Variants in BAHCC1 observed in about 807,000 individuals in gnomAD.
BAHCC1 encodes BAH and coiled-coil domain-containing protein 1.
BAHCC1 carries 43 observed loss-of-function variants against 88.2 expected under a neutral mutation model. That is an observed-to-expected ratio of 0.49 (90% confidence interval 0.38 to 0.63). BAHCC1 has a LOEUF of 0.63. Ranked by LOEUF, BAHCC1 falls within the 20% of genes least tolerant of loss-of-function variation. BAHCC1 has a pLI of 0.00. For missense variants in BAHCC1, 3,023 were observed against 1,654.8 expected (o/e 1.83, Z -14.34); for synonymous variants, 1,510 against 745.5 (o/e 2.03, Z -16.71).
chr17:81,448,427 G>A (rs1317006623), intron 11 of BAHCC1, among the ~76,000 whole-genome samples: 2 of 152,136 alleles, frequency 1.3e-5, no homozygotes, highest in East Asian at 1.9e-4. Context: ...TGGGACACCC[G>A]AGGGCCAGGT....
intron 2 of BAHCC1, among the ~76,000 whole-genome samples, chr17:81,409,750 C>T (rs1000786638): frequency 5.3e-5 from 8 of 152,180 alleles, no homozygotes; most frequent in Non-Finnish European, 8.8e-5. Flanking sequence ...TCACCCTCTG[C>T]GACGTCTCCA....
rs1272426278 is a variant in BAHCC1 at position 81,426,885 on chromosome 17, G to A, written c.264G>A (p.Thr88=). Residue 88 remains threonine, a synonymous_variant, in exon 3 of 28, where the codon ACG becomes ACA. Coordinates refer to ENST00000675386, the MANE Select transcript of BAHCC1 (RefSeq NM_001377448.1). ...GCAGCCTGGGCTCGGCAGCCTCCACGCACCCCAGCGGCCCCAGCTCCTCCC... is the reference window on the plus strand; with the variant it reads ...GCAGCCTGGGCTCGGCAGCCTCCACACACCCCAGCGGCCCCAGCTCCTCCC... ...LTSSLGSAAS[T]HPSGPSSSPP... 19 of 399,122 alleles carry A rather than the reference G, an allele frequency of 4.8e-5. No individual in the cohort carries two copies. The highest frequency in any genetic ancestry group is 3.5e-4 in the African/African-American group (17 of 48,692). The allele number at this position is 399,122 out of a possible 1,614,324, so 24.7% of individuals were successfully genotyped here.
intron 2 of BAHCC1, chr17:81,406,819 G>T: frequency 2.2e-6 from 1 of 452,864 alleles, no homozygotes; most frequent in Non-Finnish European, 4.4e-6. Context: ...GTCGGCGCGG[G>T]GTTTGCAGCG....
chr17:81,415,587 G>A (rs1555648512), intron 2 of BAHCC1: 2 of 512,234 alleles, frequency 3.9e-6, no homozygotes, highest in South Asian at 2.8e-5. Flanking sequence ...CCCCTTCCTG[G>A]GATACTACAG....
In BAHCC1 at chr17:81,458,612, C is replaced by T. The variant is rs1555658170; in HGVS notation, c.5344-9C>T. 2 of 714,904 alleles carry T rather than the reference C, an allele frequency of 2.8e-6. No individual in the cohort carries two copies. Among genetic ancestry groups the T allele is most frequent in the East Asian group, 2.7e-5 (1 of 37,278 alleles). 44.3% of individuals were successfully genotyped at this position (714,904 alleles called of 1,614,324 possible). Reference sequence around the variant, plus strand: ...TGACTCAGCCCCTTCTCTGCCTGCCCACGCGCAGCGGAAGAACGGGGCCCT... The same window carrying T: ...TGACTCAGCCCCTTCTCTGCCTGCCTACGCGCAGCGGAAGAACGGGGCCCT... On this transcript the variant is annotated splice_polypyrimidine_tract_variant and intron_variant, in intron 18 of 27. Transcript: ENST00000675386.
At chr17:81,413,074 T>C (rs1555648068) in intron 2 of BAHCC1, 2 of 422,118 alleles carry the variant, frequency 4.7e-6, no homozygotes, top group East Asian at 1.8e-4. Context: ...CAAGCGCCAA[T>C]TACATAAAGG....
chr17:81,419,789 G>GTTTT (rs1212230338), intron 2 of BAHCC1, among the ~76,000 whole-genome samples: 1 of 144,696 alleles, frequency 6.9e-6, no homozygotes. Flanking sequence ...TCAACGAGGC[G>GTTTT]TTTTTTTTTT....
intron 2 of BAHCC1, among the ~76,000 whole-genome samples, chr17:81,417,682 C>T (rs1379795531): frequency 1.3e-5 from 2 of 152,090 alleles, no homozygotes; most frequent in African/African-American, 4.8e-5. Flanking sequence ...TCATCATCAC[C>T]TCCGGGCCGT....
At chr17:81,428,595 C>G (rs1282357851) in intron 3 of BAHCC1, among the ~76,000 whole-genome samples, 1 of 152,198 alleles carries the variant, frequency 6.6e-6, no homozygotes, top group Non-Finnish European at 1.5e-5. Flanking sequence ...CTCCACCCAC[C>G]CTGGGGGACC....
chr17:81,395,938 C>T (rs1342293940), intron 1 of BAHCC1: 1 of 152,148 alleles, frequency 6.6e-6, no homozygotes, highest in Non-Finnish European at 1.5e-5. Flanking sequence ...CGATCGACAC[C>T]CAGCATTAAA....
In BAHCC1 at chr17:81,445,613, T is replaced by C; in HGVS notation, c.3095T>C (p.Val1032Ala). Residue 1032 changes from valine (V) to alanine (A), a missense_variant, in exon 10 of 28, where the codon GTG (valine) becomes GCG (alanine). By Grantham distance (64) the Val-to-Ala change is moderately conservative. Coordinates refer to ENST00000675386, the MANE Select transcript of BAHCC1 (RefSeq NM_001377448.1). Reference sequence around the variant, plus strand: ...AGCAGCCCCGGGCCTGGCTCCCGGGTGCGCAGCGCCGAGGAAAAGAATGGG... The same window carrying C: ...AGCAGCCCCGGGCCTGGCTCCCGGGCGCGCAGCGCCGAGGAAAAGAATGGG... The part of the protein sequence containing the change: ...PASSPGPGSR[V>A]RSAEEKNGEG... 1.4e-6 allele frequency: 1 copy of C among 729,766 alleles called. No individual in the cohort carries two copies. Among genetic ancestry groups the C allele is most frequent in the Non-Finnish European group, 2.5e-6 (1 of 392,836 alleles). 45.2% of individuals were successfully genotyped at this position (729,766 alleles called of 1,614,324 possible). A position where few individuals can be genotyped will look rare whatever the true frequency, so the allele number is the denominator to read the frequency against.
chr17:81,433,726 C>T (rs1193057969), intron 3 of BAHCC1, among the ~76,000 whole-genome samples: 8 of 123,736 alleles, frequency 6.5e-5, no homozygotes, highest in Admixed American at 7.8e-5. Flanking sequence ...TCCTGTGCCC[C>T]GGGCAGGTGT....
Position 81,446,526 on chromosome 17 carries a change from CTTTTTTTTTTTTTTTTT to C in BAHCC1, c.3164-488_3164-472del, listed in dbSNP as rs869297780. 2.6e-3 allele frequency among the ~76,000 whole-genome samples: 128 copies of C among 49,224 alleles called. 2 individuals carry two copies. The highest frequency in any genetic ancestry group is 9.7e-3 in the African/African-American group (109 of 11,218). The allele number at this position is 49,224 out of a possible 152,430, so 32.3% of individuals were successfully genotyped here. On this transcript the variant is annotated intron_variant, in intron 10 of 27. Transcript: ENST00000675386. ...GGGCCTGGCCTCAGGCTGCTCACAC[CTTTTTTTTTTTTTTTTT>C]TTTTTTTTTTTTTTTTTTTTTGAGA...
rs79955503 is a variant in BAHCC1, at chr17:81,434,313, C to T, written c.359-4057C>T. Among the ~76,000 whole-genome samples, 158 of 152,276 alleles carry T rather than the reference C, an allele frequency of 1.0e-3. No individual in the cohort carries two copies. The highest frequency in any genetic ancestry group is 3.4e-3 in the African/African-American group (142 of 41,554). On this transcript the variant is annotated intron_variant, in intron 3 of 27. Transcript: ENST00000675386. The surrounding 1 kb of genome is among the most constrained non-coding windows in gnomAD (Gnocchi z 4.9). ...ATGACCCACTGCCCGCCCAGCCAGG[C>T]GCATGTGGGAGCCGAGGTGGTACTG...
At chr17:81,450,598 G>A (rs782291319) in intron 11 of BAHCC1, among the ~76,000 whole-genome samples, 1 of 152,228 alleles carries the variant, frequency 6.6e-6, no homozygotes, top group South Asian at 2.1e-4. Context: ...CCTGCCCCAG[G>A]GCTGGAGCGT....
Position 81,444,362 on chromosome 17 carries a change from T to C in BAHCC1, c.2325-19T>C. ...TGGGCCTTGGCGCCGGCGGCAGGGC[T>C]GAGCCCCAGGTCTTACAGGGACAGC... On this transcript the variant is annotated intron_variant, in intron 6 of 27. Transcript: ENST00000675386. 1 of 724,266 alleles carries C rather than the reference T, an allele frequency of 1.4e-6. No individual in the cohort carries two copies. 44.9% of individuals were successfully genotyped at this position (724,266 alleles called of 1,614,324 possible).
intron 2 of BAHCC1, chr17:81,409,994 C>T (rs2143253705): frequency 4.0e-6 from 1 of 251,086 alleles, no homozygotes; most frequent in Non-Finnish European, 8.6e-6. Flanking sequence ...TGCAGCTGCC[C>T]CGGCCTAAGG....
At chr17:81,416,256 G>A (rs1209769232) in intron 2 of BAHCC1, among the ~76,000 whole-genome samples, 4 of 149,642 alleles carry the variant, frequency 2.7e-5, no homozygotes, top group Admixed American at 2.0e-4. Context: ...GTGTGTACGT[G>A]TGTGTGTCCA....
intron 7 of BAHCC1, 33 bp downstream of exon 7, chr17:81,444,601 G>A: frequency 1.3e-6 from 1 of 746,900 alleles, no homozygotes; most frequent in Non-Finnish European, 2.5e-6. Context: ...CTGGCCTGGG[G>A]CTGATGAGGG....
Sources: gnomAD v4.1 joint callset for allele counts (sites outside exome capture counted in the v4.1 genomes callset) on GRCh38, gnomAD v4.1.1 for gene constraint, Gnocchi (gnomAD v3.1) non-coding constraint, MANE v1.5 for transcripts, NCBI Gene and HGNC (gene_info 2026-07-23, HGNC 2026-07-21) for gene names.